The following RAPGEF1 variants were observed in gnomAD, a reference collection of about 807,000 sequenced individuals.
The protein encoded by RAPGEF1 is CRK SH3-binding GNRP.
In RAPGEF1, 33 loss-of-function variants were observed where a neutral mutation model predicts 143.3. That is an observed-to-expected ratio of 0.23 (90% confidence interval 0.17 to 0.31). The LOEUF is 0.31. RAPGEF1 is among the 10% of genes least tolerant of loss of function. RAPGEF1 has a pLI of 1.00. For synonymous variants in RAPGEF1, 629 were observed against 676.5 expected, an observed-to-expected ratio of 0.93 and a Z score of 1.09; for missense variants, 1,199 against 1,645.4, an observed-to-expected ratio of 0.73 and a Z score of 4.69.
intron 12 of RAPGEF1, among the ~76,000 whole-genome samples, chr9:131,609,026 T>C (rs1219900504): frequency 6.6e-6 from 1 of 152,176 alleles, no homozygotes; most frequent in Non-Finnish European, 1.5e-5. Context: ...ATAGCCAGAA[T>C]AAGACTGTTT....
At position 131,629,150 on chromosome 9, in the gene RAPGEF1, A is replaced by T; in HGVS notation, c.845T>A (p.Val282Asp). The change falls in exon 7 of 27, where the codon GTC (valine) becomes GAC (aspartate). Residue 282 changes from valine to aspartate, a missense_variant. Physicochemically the swap from Val to Asp is radical, Grantham distance 152 (BLOSUM62 -3). This residue lies in a region of RAPGEF1 where 613 missense variants were observed against 710.9 expected (regional missense o/e 0.86). Transcript: ENST00000683357. ...AGGCAGAGGAGGCTTGGGGGGCGCG[A>T]CCTCTTCATCCGTGGCATCTGGGAG... Reference protein sequence around the residue: ...ELLPDATDEEVAPPKPPLPGI... With the variant: ...ELLPDATDEEDAPPKPPLPGI... 1 of 1,613,922 alleles carries T rather than the reference A, an allele frequency of 6.2e-7. No individual in the cohort carries two copies. Among genetic ancestry groups the T allele is most frequent in the Middle Eastern group, 1.6e-4 (1 of 6,062 alleles).
chr9:131,614,249 C>G (rs1425441711), intron 12 of RAPGEF1, among the ~76,000 whole-genome samples: 1 of 152,190 alleles, frequency 6.6e-6, no homozygotes, highest in East Asian at 1.9e-4. Flanking sequence ...CTAGCTCTGA[C>G]CAGGACAAAA....
chr9:131,682,496 G>A (rs534554386), intron 1 of RAPGEF1, among the ~76,000 whole-genome samples: 7 of 152,336 alleles, frequency 4.6e-5, no homozygotes, highest in African/African-American at 1.7e-4. Context: ...TGCCAGTGGG[G>A]ACAATATGAT....
intron 12 of RAPGEF1, among the ~76,000 whole-genome samples, chr9:131,605,410 G>A (rs374576078): frequency 2.6e-5 from 4 of 152,254 alleles, no homozygotes; most frequent in East Asian, 3.9e-4. Context: ...AGTGAACAGC[G>A]CTGTCCTCAG....
intron 1 of RAPGEF1, among the ~76,000 whole-genome samples, chr9:131,666,543 C>T (rs529522940): frequency 1.6e-3 from 248 of 152,148 alleles, no homozygotes; most frequent in African/African-American, 5.3e-3. Flanking sequence ...CCTGCTACCA[C>T]GCCTGGCTAA....
chr9:131,582,722 C>CAGGACAGTAA lies in RAPGEF1; in HGVS notation c.3415-21_3415-20insTTACTGTCCT. On this transcript the variant is annotated intron_variant, in intron 24 of 26. Coordinates refer to ENST00000683357, the MANE Select transcript of RAPGEF1 (RefSeq NM_001377935.1). ...CAGGCCCTGGCAGGACAGGACAGGACAGGACCGGACAGGGGTGAGCGAGTG... is the reference window on the plus strand; with the variant it reads ...CAGGCCCTGGCAGGACAGGACAGGACAGGACAGTAAAGGACCGGACAGGGGTGAGCGAGTG... 6.4e-7 allele frequency: 1 copy of CAGGACAGTAA among 1,552,056 alleles called. No homozygotes were observed. Among genetic ancestry groups the CAGGACAGTAA allele is most frequent in the East Asian group, 2.5e-5 (1 of 39,332 alleles).
chr9:131,739,176 A>T (rs919633655), intron 1 of RAPGEF1, among the ~76,000 whole-genome samples: 1 of 152,188 alleles, frequency 6.6e-6, no homozygotes, highest in East Asian at 1.9e-4. Flanking sequence ...GTCTGCATCA[A>T]GATTTACCAT....
At position 131,713,382 on chromosome 9, in the gene RAPGEF1, T is replaced by C. The variant is rs1296470694; in HGVS notation, c.61+26388A>G. Among the ~76,000 whole-genome samples, 5 of 152,286 alleles carry C rather than the reference T, an allele frequency of 3.3e-5. No homozygotes were observed. The South Asian group carries it at 6.2e-4, about 19-fold the overall frequency. ...CTCAGAGAGGGGCAGGGATCAACGC[T>C]AGGCATTTAGTTGGAGGGCTGGATC... On this transcript the variant is annotated intron_variant, in intron 1 of 26. Transcript: ENST00000683357.
At chr9:131,585,059 G>A (rs542771012) in intron 22 of RAPGEF1, among the ~76,000 whole-genome samples, 5 of 152,266 alleles carry the variant, frequency 3.3e-5, no homozygotes, top group African/African-American at 7.2e-5. Flanking sequence ...AACCAAAGCC[G>A]AGACCAAAGC....
chr9:131,732,985 G>A (rs1240427006), intron 1 of RAPGEF1, among the ~76,000 whole-genome samples: 2 of 152,098 alleles, frequency 1.3e-5, no homozygotes, highest in Non-Finnish European at 2.9e-5. Flanking sequence ...TTGATCTGGG[G>A]CATTTCCATG....
chr9:131,690,209 A>G (rs1223772003), intron 1 of RAPGEF1, among the ~76,000 whole-genome samples: 1 of 152,260 alleles, frequency 6.6e-6, no homozygotes, highest in African/African-American at 2.4e-5. Flanking sequence ...ATAACTCTGT[A>G]TGTGAGGGAA....
chr9:131,631,533 C>G (rs1964852092), intron 5 of RAPGEF1, among the ~76,000 whole-genome samples: 1 of 152,234 alleles, frequency 6.6e-6, no homozygotes, highest in African/African-American at 2.4e-5. Flanking sequence ...CTGGCCTGGC[C>G]AGGGCCTGCA....
chr9:131,599,186 G>A (rs928460221), intron 15 of RAPGEF1, among the ~76,000 whole-genome samples: 6 of 150,374 alleles, frequency 4.0e-5, no homozygotes, highest in South Asian at 2.1e-4. Flanking sequence ...GTGCAGTGGT[G>A]CGATCTTGGC....
rs1223739099 is a variant in RAPGEF1, at chr9:131,586,602, C to T, written c.3233+1134G>A. ...CACACACACCTGCAGAGCGAGACTC[C>T]GTCTCAAACACACACACACACACAC... On this transcript the variant is annotated intron_variant, in intron 22 of 26. Transcript: ENST00000683357. Among the ~76,000 whole-genome samples, 42 of 86,014 alleles carry T rather than the reference C, an allele frequency of 4.9e-4. 1 individual carries two copies. Among genetic ancestry groups the T allele is most frequent in the Non-Finnish European group, 7.9e-4 (37 of 46,846 alleles). 56.4% of individuals were successfully genotyped at this position (86,014 alleles called of 152,430 possible).
At chr9:131,638,044 C>T (rs896815838) in intron 5 of RAPGEF1, among the ~76,000 whole-genome samples, 3 of 152,340 alleles carry the variant, frequency 2.0e-5, no homozygotes, top group Non-Finnish European at 4.4e-5. Context: ...GCTTCCCATC[C>T]GCTAGGACTT....
At chr9:131,723,125 C>T (rs562568154) in intron 1 of RAPGEF1, among the ~76,000 whole-genome samples, 8 of 149,738 alleles carry the variant, frequency 5.3e-5, no homozygotes, top group Admixed American at 2.0e-4. Flanking sequence ...ACCCAGCAGA[C>T]GGAGGCTGCA....
chr9:131,708,339 C>G (rs2131185730), intron 1 of RAPGEF1, among the ~76,000 whole-genome samples: 1 of 152,350 alleles, frequency 6.6e-6, no homozygotes, highest in South Asian at 2.1e-4. Context: ...TCTGGCATGC[C>G]TGCCAGCCGG....
intron 1 of RAPGEF1, among the ~76,000 whole-genome samples, chr9:131,661,159 G>A (rs1359750353): frequency 6.6e-6 from 1 of 152,164 alleles, no homozygotes; most frequent in Admixed American, 6.5e-5. Context: ...TCCAAAGAAC[G>A]CCTGTGTGAG....
chr9:131,663,699 T>C (rs1025559457), intron 1 of RAPGEF1, among the ~76,000 whole-genome samples: 2 of 152,204 alleles, frequency 1.3e-5, no homozygotes, highest in African/African-American at 4.8e-5. Flanking sequence ...TCCTGGGTGG[T>C]ATGTGCTTTC....
Sources: allele counts gnomAD v4.1 joint callset (sites outside exome capture counted in the v4.1 genomes callset), GRCh38; gene constraint gnomAD v4.1.1; regional missense constraint gnomAD v4.1.1; transcripts MANE v1.5; gene names NCBI Gene and HGNC (gene_info 2026-07-23, HGNC 2026-07-21).